Variants in LRIF1 observed in about 807,000 individuals in gnomAD.
LRIF1 encodes ligand dependent nuclear receptor interacting factor 1.
A neutral mutation model predicts 52.7 loss-of-function variants in LRIF1; 32 were observed. That is an observed-to-expected ratio of 0.61 (90% CI 0.46 to 0.82). The LOEUF (loss-of-function observed/expected upper bound fraction) is 0.82. Among genes scored for constraint, LRIF1 ranks in the 40% least tolerant of loss-of-function variants. LRIF1 has a pLI of 0.00. For missense variants in LRIF1, 887 were observed against 892.0 expected, an observed-to-expected ratio of 0.99 and a Z score of 0.07; for synonymous variants, 323 against 317.4, an observed-to-expected ratio of 1.02 and a Z score of -0.19.
At chr1:110,897,972 A>C in the LRIF1 span, 1 of 741,432 alleles carries the variant, frequency 1.3e-6, no homozygotes, top group Non-Finnish European at 2.3e-6. Context: ...CCAGGTACAC[A>C]GTATTTACAC....
the LRIF1 span, chr1:110,938,227 G>A: frequency 6.6e-6 from 1 of 152,062 alleles, no homozygotes; most frequent in African/African-American, 2.4e-5. Context: ...GTATTTCCCT[G>A]ATACCAAAAC....
the LRIF1 span, among the ~76,000 whole-genome samples, chr1:110,908,745 T>A: frequency 1.3e-5 from 2 of 152,178 alleles, no homozygotes; most frequent in Non-Finnish European, 2.9e-5. Flanking sequence ...TGGAATTATG[T>A]AAAAGAGACC....
chr1:110,892,533 G>T, the LRIF1 span: 1 of 1,612,258 alleles, frequency 6.2e-7, no homozygotes, highest in East Asian at 2.2e-5. Context: ...TGCTTATGTC[G>T]GTGAGTCCTT....
the LRIF1 span, chr1:110,941,991 C>T: frequency 1.3e-5 from 2 of 151,908 alleles, no homozygotes; most frequent in Non-Finnish European, 2.9e-5. Flanking sequence ...CTCTTTTGTG[C>T]TTTGCTTTTT....
chr1:110,947,899 T>C lies in LRIF1; in HGVS notation c.*60A>G. 2 of 1,517,322 alleles carry C rather than the reference T, an allele frequency of 1.3e-6. No individual in the cohort carries two copies. The highest frequency in any genetic ancestry group is 8.8e-7 in the Non-Finnish European group (1 of 1,138,200). The allele number at this position is 1,517,322 out of a possible 1,614,324, so 94.0% of individuals were successfully genotyped here. A position where few individuals can be genotyped will look rare whatever the true frequency, so the allele number is the denominator to read the frequency against. The stretch of plus-strand genomic sequence containing the variant: ...TTTCAGAACACACCTACAATTAACT[T>C]ATTAATGCTGAAGTATATTTTAAAA... On this transcript the variant is annotated 3_prime_UTR_variant, in exon 4 of 4. Coordinates refer to ENST00000369763, the MANE Select transcript of LRIF1 (RefSeq NM_018372.4).
At chr1:110,945,559 G>T (rs1050487838), downstream of LRIF1, among the ~76,000 whole-genome samples, 1 of 151,978 alleles carries the variant, frequency 6.6e-6, no homozygotes, top group East Asian at 1.9e-4. Flanking sequence ...CCCAGTAGCC[G>T]AGATTACAGG....
At chr1:110,957,043 C>T (rs1218946053) in intron 1 of LRIF1, among the ~76,000 whole-genome samples, 1 of 152,018 alleles carries the variant, frequency 6.6e-6, no homozygotes, top group Non-Finnish European at 1.5e-5. Context: ...TGTGTACAAC[C>T]TCTGTTTCTC....
the LRIF1 span, among the ~76,000 whole-genome samples, chr1:110,909,461 C>A: frequency 6.6e-6 from 1 of 151,598 alleles, no homozygotes; most frequent in Admixed American, 6.6e-5. Flanking sequence ...AGACCCAACT[C>A]TATACTGTCC....
the LRIF1 span, among the ~76,000 whole-genome samples, chr1:110,888,439 T>C: frequency 6.6e-6 from 1 of 152,186 alleles, no homozygotes; most frequent in African/African-American, 2.4e-5. Flanking sequence ...GCTGAGGCAA[T>C]CACAGGGCTC....
the LRIF1 span, among the ~76,000 whole-genome samples, chr1:110,906,491 C>G: frequency 3.3e-5 from 5 of 152,200 alleles, no homozygotes; most frequent in African/African-American, 1.2e-4. Context: ...CTGCAGTGAG[C>G]CACGATTATA....
At chr1:110,936,103 T>C in the LRIF1 span, among the ~76,000 whole-genome samples, 1 of 152,130 alleles carries the variant, frequency 6.6e-6, no homozygotes, top group African/African-American at 2.4e-5. Flanking sequence ...TCAGCAAAAA[T>C]ATTCTTCACA....
the LRIF1 span, among the ~76,000 whole-genome samples, chr1:110,933,195 C>T: frequency 2.6e-5 from 4 of 152,068 alleles, no homozygotes; most frequent in African/African-American, 9.7e-5. Context: ...TGCTCAGCTC[C>T]GAAATCAGCT....
At chr1:110,886,867 ATATT>A in the LRIF1 span, among the ~76,000 whole-genome samples, 224 of 41,362 alleles carry the variant, frequency 5.4e-3, 2 homozygotes, top group African/African-American at 0.02. Flanking sequence ...ATATATATAT[ATATT>A]TTTTTTTTCT....
At chr1:110,946,105 T>G (rs373735308), downstream of LRIF1, among the ~76,000 whole-genome samples, 1 of 152,300 alleles carries the variant, frequency 6.6e-6, no homozygotes, top group East Asian at 1.9e-4. Flanking sequence ...CAAATATTCA[T>G]AACGAATGGA....
chr1:110,945,312 G>T (rs1186826451), downstream of LRIF1, among the ~76,000 whole-genome samples: 2 of 152,072 alleles, frequency 1.3e-5, no homozygotes, highest in African/African-American at 4.8e-5. Flanking sequence ...ACTTTGGATG[G>T]GAATATGAAG....
chr1:110,893,935 T>C, the LRIF1 span, among the ~76,000 whole-genome samples: 1 of 152,190 alleles, frequency 6.6e-6, no homozygotes, highest in Non-Finnish European at 1.5e-5. Context: ...CTACCAGCAG[T>C]CCTCCACCCA....
the LRIF1 span, chr1:110,895,119 G>A: frequency 8.4e-7 from 1 of 1,193,718 alleles, no homozygotes; most frequent in Non-Finnish European, 1.3e-6. Flanking sequence ...AAATCCTTGG[G>A]GGCTAGTTCC....
At chr1:110,886,869 A>ATATATATATATATATATATTTT in the LRIF1 span, among the ~76,000 whole-genome samples, 11 of 82,776 alleles carry the variant, frequency 1.3e-4, no homozygotes, top group Non-Finnish European at 1.8e-4. Context: ...ATATATATAT[A>ATATATATATATATATATATTTT]TTTTTTTTTT....
chr1:110,891,086 G>T, the LRIF1 span, among the ~76,000 whole-genome samples: 1 of 152,256 alleles, frequency 6.6e-6, no homozygotes, highest in Non-Finnish European at 1.5e-5. Flanking sequence ...TAGAGCTAAA[G>T]CACTGGCCTG....
Sources: allele counts gnomAD v4.1 joint callset (sites outside exome capture counted in the v4.1 genomes callset), GRCh38; gene constraint gnomAD v4.1.1; transcripts MANE v1.5; gene names NCBI Gene and HGNC (gene_info 2026-07-23, HGNC 2026-07-21).